Variants in ZNF536 observed in about 807,000 individuals in gnomAD.
ZNF536 encodes zinc finger protein 536.
Under a neutral mutation model 84.5 loss-of-function variants are expected in ZNF536, and 13 were observed. The ratio of observed to expected loss-of-function variants is 0.15; its 90% CI spans 0.10 to 0.24. ZNF536 has a LOEUF of 0.24. Among genes scored for constraint, ZNF536 ranks in the 10% least tolerant of loss-of-function variants. ZNF536 has a pLI of 1.00. For missense variants in ZNF536, 1,536 were observed against 1,747.5 expected (o/e 0.88, Z 2.16); for synonymous variants, 811 against 742.5 (o/e 1.09, Z -1.50).
At chr19:30,328,457 G>C (rs990513773) in intron 2 of ZNF536, among the ~76,000 whole-genome samples, 3 of 152,188 alleles carry the variant, frequency 2.0e-5, no homozygotes, top group Non-Finnish European at 4.4e-5. Context: ...TGCTGCCCTT[G>C]ATCTTCACTC....
chr19:30,387,457 C>T (rs565189566), intron 1 of ZNF536, among the ~76,000 whole-genome samples: 55 of 152,244 alleles, frequency 3.6e-4, no homozygotes, highest in African/African-American at 1.1e-3. Context: ...CCATGGTTGA[C>T]GGCGGTGAGG....
intron 1 of ZNF536, among the ~76,000 whole-genome samples, chr19:30,266,144 G>A (rs1441476691): frequency 6.6e-6 from 1 of 152,172 alleles, no homozygotes; most frequent in Non-Finnish European, 1.5e-5. Flanking sequence ...GAATTCCTGG[G>A]CTCAAGCAAT....
chr19:30,594,995 T>C (rs1452080535), intron 1 of ZNF536, among the ~76,000 whole-genome samples: 2 of 152,052 alleles, frequency 1.3e-5, no homozygotes, highest in African/African-American at 4.8e-5. Context: ...AGGAGGCTCT[T>C]CTGCATCCTG....
At chr19:30,516,818 T>TGCGAGGCTTCGTG (rs1304227550) in intron 2 of ZNF536, among the ~76,000 whole-genome samples, 2 of 151,986 alleles carry the variant, frequency 1.3e-5, no homozygotes, top group Admixed American at 6.6e-5. Flanking sequence ...GCAGTGGAAG[T>TGCGAGGCTTCGTG]GCGAGGCTTC....
At chr19:30,232,639 A>T (rs1568509428) in intron 1 of ZNF536, among the ~76,000 whole-genome samples, 1 of 152,186 alleles carries the variant, frequency 6.6e-6, no homozygotes, top group South Asian at 2.1e-4. Context: ...TTTTGCTACT[A>T]TAAGCAGCAT....
intron 1 of ZNF536, among the ~76,000 whole-genome samples, chr19:30,442,545 T>C (rs2052102181): frequency 6.6e-6 from 1 of 152,194 alleles, no homozygotes; most frequent in Non-Finnish European, 1.5e-5. Flanking sequence ...TTAAACCCAA[T>C]CAAAGTCCCT....
At chr19:30,697,915 T>G (rs553784395) in intron 1 of ZNF536, among the ~76,000 whole-genome samples, 1 of 152,386 alleles carries the variant, frequency 6.6e-6, no homozygotes, top group East Asian at 1.9e-4. Flanking sequence ...TTTCTTCCTG[T>G]TCACAGAAAA....
intron 2 of ZNF536, among the ~76,000 whole-genome samples, chr19:30,531,710 G>A (rs1005658676): frequency 6.6e-5 from 10 of 151,694 alleles, no homozygotes; most frequent in African/African-American, 1.7e-4. Flanking sequence ...TTGCAGCCTC[G>A]ACCTCTCGAG....
At chr19:30,503,966 A>G (rs1272274201) in intron 2 of ZNF536, among the ~76,000 whole-genome samples, 7 of 151,130 alleles carry the variant, frequency 4.6e-5, no homozygotes, top group South Asian at 4.2e-4. Context: ...GAAAAAGTCT[A>G]TATTTTTATT....
chr19:30,323,731 G>A (rs1398652282), intron 2 of ZNF536, among the ~76,000 whole-genome samples: 1 of 152,120 alleles, frequency 6.6e-6, no homozygotes, highest in Non-Finnish European at 1.5e-5. Context: ...ATGATTAGAG[G>A]TGGCATTGCT....
intron 2 of ZNF536, among the ~76,000 whole-genome samples, chr19:30,336,952 T>G (rs1277777030): frequency 6.6e-6 from 1 of 152,132 alleles, no homozygotes; most frequent in African/African-American, 2.4e-5. Context: ...CCACTGGCAA[T>G]TTTTGTATCA....
chr19:30,643,533 A>G (rs557421635), intron 1 of ZNF536, among the ~76,000 whole-genome samples: 3 of 152,308 alleles, frequency 2.0e-5, no homozygotes, highest in African/African-American at 7.2e-5. Flanking sequence ...TGTCTTACTG[A>G]CAGATGATTC....
At chr19:30,411,050 C>A (rs998166583) in intron 1 of ZNF536, among the ~76,000 whole-genome samples, 1 of 152,086 alleles carries the variant, frequency 6.6e-6, no homozygotes, top group African/African-American at 2.4e-5. Flanking sequence ...TAGGTATTTT[C>A]CAATGGGTCA....
chr19:30,569,989 A>G (rs1329738266), intron 1 of ZNF536, among the ~76,000 whole-genome samples: 1 of 152,142 alleles, frequency 6.6e-6, no homozygotes, highest in Non-Finnish European at 1.5e-5. Flanking sequence ...ATGTCTGGAG[A>G]TATTGGGGAG....
At chr19:30,294,553 G>A (rs1391444080) in intron 2 of ZNF536, among the ~76,000 whole-genome samples, 5 of 84,372 alleles carry the variant, frequency 5.9e-5, no homozygotes, top group African/African-American at 1.5e-4. Flanking sequence ...CCCAATATGT[G>A]TGTGTGTGTG....
intron 2 of ZNF536, among the ~76,000 whole-genome samples, chr19:30,522,614 T>C (rs910737256): frequency 2.6e-5 from 4 of 152,010 alleles, no homozygotes; most frequent in African/African-American, 9.7e-5. Context: ...AACACACACA[T>C]CCTAATAGGC....
At chr19:30,573,270 G>A (rs2046616025) in intron 1 of ZNF536, among the ~76,000 whole-genome samples, 1 of 152,202 alleles carries the variant, frequency 6.6e-6, no homozygotes, top group Admixed American at 6.5e-5. Flanking sequence ...TGGGGAAGCT[G>A]ATGTTCAAAG....
intron 2 of ZNF536, among the ~76,000 whole-genome samples, chr19:30,329,480 G>A (rs929584765): frequency 6.6e-5 from 10 of 152,158 alleles, no homozygotes; most frequent in African/African-American, 2.4e-4. Context: ...CTTCAAAGGA[G>A]TTAAGTTTTT....
chr19:30,428,508 G>A (rs921330695), intron 1 of ZNF536, among the ~76,000 whole-genome samples: 1 of 152,182 alleles, frequency 6.6e-6, no homozygotes, highest in Admixed American at 6.5e-5. Context: ...CCTCATAGGA[G>A]CCCAGAGAGT....
Sources: allele counts gnomAD v4.1 joint callset (sites outside exome capture counted in the v4.1 genomes callset), GRCh38; gene constraint gnomAD v4.1.1; transcripts MANE v1.5; gene names NCBI Gene and HGNC (gene_info 2026-07-23, HGNC 2026-07-21).